The following TIAM2 variants were observed in gnomAD, a reference collection of about 807,000 sequenced individuals.
TIAM2 encodes the protein TIAM Rac1 associated GEF 2.
TIAM2 carries 80 observed loss-of-function variants against 152.9 expected under a neutral mutation model. That is an observed-to-expected ratio of 0.52 (90% CI 0.44 to 0.63). The LOEUF is 0.63. Ranked by LOEUF, TIAM2 falls within the 30% of genes least tolerant of loss-of-function variation. The pLI is 0.00. For missense variants in TIAM2, 1,965 were observed against 2,120.1 expected (o/e 0.93, Z 1.44); for synonymous variants, 804 against 838.0 (o/e 0.96, Z 0.70).
At chr6:155,090,186 C>T (rs1436574220) in intron 1 of TIAM2, 103 bp from the exon 2 acceptor site, 2 of 152,168 alleles carry the variant, frequency 1.3e-5, no homozygotes, top group Non-Finnish European at 2.9e-5. Context: ...TTGTATCAAG[C>T]CCAAGATACA....
At chr6:155,017,137 G>A (rs1393459037) in intron 1 of TIAM2, among the ~76,000 whole-genome samples, 1 of 152,170 alleles carries the variant, frequency 6.6e-6, no homozygotes, top group East Asian at 1.9e-4. Flanking sequence ...ACCGCATTCG[G>A]TGATATTGAA....
intron 1 of TIAM2, among the ~76,000 whole-genome samples, chr6:155,029,902 C>T (rs561008582): frequency 6.6e-6 from 1 of 151,790 alleles, no homozygotes; most frequent in African/African-American, 2.4e-5. Flanking sequence ...AAGCCATCCT[C>T]CCGTCTCAGC....
At chr6:155,131,045 G>A (rs977697057) in intron 4 of TIAM2, among the ~76,000 whole-genome samples, 2 of 152,192 alleles carry the variant, frequency 1.3e-5, no homozygotes, top group African/African-American at 4.8e-5. Context: ...ACTCTTCCAT[G>A]CACTCCACAG....
intron 15 of TIAM2, among the ~76,000 whole-genome samples, chr6:155,230,523 C>A (rs1223748497): frequency 3.1e-5 from 3 of 96,052 alleles, no homozygotes; most frequent in Admixed American, 2.4e-4. Flanking sequence ...CTTGTCTTCC[C>A]AGCCAGACTC....
At position 155,140,560 on chromosome 6, in the gene TIAM2, G is replaced by GTA. The variant is rs1162547165; in HGVS notation, c.1630+2949_1630+2950insAT. On this transcript the variant is annotated intron_variant, in intron 5 of 26. Coordinates refer to ENST00000682666, the MANE Select transcript of TIAM2 (RefSeq NM_012454.4). ...AGGCAGGGTGACTGTGTGTGTATGT[G>GTA]TGTGTGTGTGTGTGAGAGAGAGAGA... Among the ~76,000 whole-genome samples, 952 of 111,364 alleles carry GTA rather than the reference G, an allele frequency of 8.5e-3. 5 individuals carry two copies. The highest frequency in any genetic ancestry group is 0.034 in the African/African-American group (899 of 26,560). 73.1% of individuals were successfully genotyped at this position (111,364 alleles called of 152,430 possible). A position where few individuals can be genotyped will look rare whatever the true frequency, so the allele number is the denominator to read the frequency against.
At chr6:155,251,906 C>G (rs1449063038) in intron 22 of TIAM2, 39 bp from the exon 23 acceptor site, 1 of 1,519,576 alleles carries the variant, frequency 6.6e-7, no homozygotes. Context: ...GAAGAGTTTG[C>G]ATAAAATAAA....
intron 15 of TIAM2, among the ~76,000 whole-genome samples, chr6:155,211,872 C>G (rs546710237): frequency 3.9e-5 from 6 of 152,298 alleles, no homozygotes; most frequent in Admixed American, 6.5e-5. Context: ...CAATAACTCT[C>G]TATTTCCCCT....
At chr6:155,140,569 T>TGAGAGA (rs1243980626) in intron 5 of TIAM2, among the ~76,000 whole-genome samples, 11 of 113,446 alleles carry the variant, frequency 9.7e-5, no homozygotes, top group Non-Finnish European at 1.2e-4. Flanking sequence ...TGTGTGTGTG[T>TGAGAGA]GTGTGAGAGA....
intron 2 of TIAM2, among the ~76,000 whole-genome samples, chr6:155,122,788 T>G (rs1779200370): frequency 6.6e-6 from 1 of 152,000 alleles, no homozygotes; most frequent in Admixed American, 6.6e-5. Context: ...CAGGGGTTGC[T>G]GCGGGTGACT....
At chr6:155,153,621 CTTTTTTTT>C (rs35672714) in intron 7 of TIAM2, among the ~76,000 whole-genome samples, 1 of 105,310 alleles carries the variant, frequency 9.5e-6, no homozygotes, top group African/African-American at 3.7e-5. Context: ...GCTGTTTACG[CTTTTTTTT>C]TTTTTTTTTT....
Position 155,214,011 on chromosome 6 carries a change from C to T in TIAM2, c.3168+2704C>T, listed in dbSNP as rs897533295. On this transcript the variant is annotated intron_variant, in intron 15 of 26. Transcript: ENST00000682666. The surrounding 1 kb of genome is among the most constrained non-coding windows in gnomAD (Gnocchi z 5.4). ...GTGCAGAGATGTCTGGGTCCACAGT[C>T]GCGGCTACGTGGCTGCAGCAGTACC... 2.0e-5 allele frequency among the ~76,000 whole-genome samples: 3 copies of T among 152,216 alleles called. No individual in the cohort carries two copies. Among genetic ancestry groups the T allele is most frequent in the Admixed American group, 6.5e-5 (1 of 15,292 alleles).
intron 1 of TIAM2, among the ~76,000 whole-genome samples, chr6:155,078,085 G>T (rs776823376): frequency 1.3e-5 from 2 of 151,940 alleles, no homozygotes; most frequent in East Asian, 1.9e-4. Context: ...TTGAGACAGG[G>T]TCTCACTCTG....
At chr6:155,098,678 T>C (rs1237002294) in intron 2 of TIAM2, among the ~76,000 whole-genome samples, 1 of 152,230 alleles carries the variant, frequency 6.6e-6, no homozygotes, top group Non-Finnish European at 1.5e-5. Context: ...TTGGATGCTT[T>C]TTATTTCTTT....
At chr6:155,046,287 T>C (rs1777172493) in intron 1 of TIAM2, among the ~76,000 whole-genome samples, 1 of 152,004 alleles carries the variant, frequency 6.6e-6, no homozygotes, top group Admixed American at 6.6e-5. Context: ...ATTTTCCTTG[T>C]AATTTTATGG....
At chr6:155,202,928 C>G (rs892649628) in intron 14 of TIAM2, among the ~76,000 whole-genome samples, 3 of 150,780 alleles carry the variant, frequency 2.0e-5, no homozygotes, top group African/African-American at 7.3e-5. Flanking sequence ...TGGCATGCAC[C>G]CATAGTTCCA....
chr6:155,176,366 T>G (rs1251008902), intron 9 of TIAM2, among the ~76,000 whole-genome samples: 1 of 152,206 alleles, frequency 6.6e-6, no homozygotes, highest in Non-Finnish European at 1.5e-5. Flanking sequence ...CCCAAGTAGC[T>G]GGGACTACAG....
At chr6:155,051,257 A>C (rs949219132) in intron 1 of TIAM2, among the ~76,000 whole-genome samples, 10 of 152,184 alleles carry the variant, frequency 6.6e-5, no homozygotes, top group African/African-American at 2.4e-4. Flanking sequence ...CCAAGTCCGG[A>C]AGGCACAGCG....
chr6:155,170,967 T>C (rs1198870190), intron 9 of TIAM2, among the ~76,000 whole-genome samples: 1 of 152,218 alleles, frequency 6.6e-6, no homozygotes, highest in Non-Finnish European at 1.5e-5. Context: ...ATTTGTTTTT[T>C]TATATCTCTG....
At chr6:155,235,749 T>C (rs1312914137) in intron 15 of TIAM2, among the ~76,000 whole-genome samples, 6 of 152,236 alleles carry the variant, frequency 3.9e-5, no homozygotes. Flanking sequence ...GAAGTAAATC[T>C]GCTATGAAAA....
Sources: gnomAD v4.1 joint callset for allele counts (sites outside exome capture counted in the v4.1 genomes callset) on GRCh38, gnomAD v4.1.1 for gene constraint, Gnocchi (gnomAD v3.1) non-coding constraint, MANE v1.5 for transcripts, NCBI Gene and HGNC (gene_info 2026-07-23, HGNC 2026-07-21) for gene names.